INPP5B: variants seen among roughly 807,000 people sequenced by gnomAD.
The protein encoded by INPP5B is type II inositol 1,4,5-trisphosphate 5-phosphatase.
A neutral mutation model predicts 118.5 loss-of-function variants in INPP5B; 90 were observed. That is an observed-to-expected ratio of 0.76 (90% CI 0.64 to 0.90). INPP5B has a LOEUF of 0.90. Among genes scored for constraint, INPP5B ranks in the 40% least tolerant of loss-of-function variants. The probability of loss-of-function intolerance (pLI) is 0.00; values close to 1 mark genes in which losing one functional copy is unlikely to be tolerated. For missense variants in INPP5B, 984 were observed against 1,125.6 expected (o/e 0.87, Z 1.80); for synonymous variants, 385 against 418.9 (o/e 0.92, Z 0.99).
chr1:37,932,435 C>G (rs568278682), intron 6 of INPP5B, among the ~76,000 whole-genome samples: 1 of 138,332 alleles, frequency 7.2e-6, no homozygotes, highest in Non-Finnish European at 1.5e-5. Context: ...GTGGAGCGAT[C>G]TCCGCTCACT....
rs988809655 is a variant in INPP5B, at chr1:37,880,990, T to G, written c.1432-796A>C. Among the ~76,000 whole-genome samples, 7 of 152,222 alleles carry G rather than the reference T, an allele frequency of 4.6e-5. No individual in the cohort carries two copies. In the South Asian group the frequency reaches 1.4e-3, roughly 31 times the overall value. ...CTGCCGCCTTGGTCTCCCAAAGTGTTGGGATTGCATGTGCAAGCCATTGTG... is the reference window on the plus strand; with the variant it reads ...CTGCCGCCTTGGTCTCCCAAAGTGTGGGGATTGCATGTGCAAGCCATTGTG... On this transcript the variant is annotated intron_variant, in intron 14 of 23. Transcript: ENST00000373024.
At chr1:37,943,444 C>T (rs938726880) in intron 5 of INPP5B, among the ~76,000 whole-genome samples, 196 bp downstream of exon 5, 3 of 151,876 alleles carry the variant, frequency 2.0e-5, no homozygotes, top group Non-Finnish European at 4.4e-5. Context: ...TGTGTGTTAT[C>T]GGGGGAGACG....
At chr1:37,935,692 C>A (rs1645659219) in intron 6 of INPP5B, among the ~76,000 whole-genome samples, 1 of 152,162 alleles carries the variant, frequency 6.6e-6, no homozygotes, top group Non-Finnish European at 1.5e-5. Context: ...TCTCCCTGCT[C>A]TAGTTCTCTT....
intron 19 of INPP5B, among the ~76,000 whole-genome samples, chr1:37,871,303 C>G (rs893130914): frequency 6.7e-6 from 1 of 149,230 alleles, no homozygotes; most frequent in African/African-American, 2.5e-5. Flanking sequence ...ATAGAAAATA[C>G]AAAAATTAGC....
chr1:37,888,122 A>T (rs1643641840), intron 10 of INPP5B, 121 bp downstream of exon 10: 2 of 545,550 alleles, frequency 3.7e-6, no homozygotes, highest in African/African-American at 3.9e-5. Context: ...TCAAACAGGG[A>T]AACAGCTGTT....
intron 7 of INPP5B, among the ~76,000 whole-genome samples, chr1:37,914,852 C>T (rs912833119): frequency 1.3e-5 from 2 of 152,154 alleles, no homozygotes; most frequent in African/African-American, 4.8e-5. Flanking sequence ...CTGGCCCCAG[C>T]TCACCACAAT....
rs372089636 is a variant in INPP5B, at chr1:37,889,684, A to G, written c.670T>C (p.Ser224Pro). ...SKSEITDMVR[S>P]STITVSDKAH... is the part of the protein sequence containing the mutation. ...TTGTCCGACACTGTGATAGTGGAGG[A>G]GCGAACCATGTCAGTAATTTCGGAC... Residue 224 changes from serine (S) to proline (P), a missense_variant, in exon 9 of 24, where the codon TCC becomes CCC. Ser to Pro is a moderately conservative substitution (Grantham distance 74). Transcript: ENST00000373024. 2 of 1,613,152 alleles carry G rather than the reference A, an allele frequency of 1.2e-6. No homozygotes were observed. Among genetic ancestry groups the G allele is most frequent in the African/African-American group, 1.3e-5 (1 of 74,880 alleles).
chr1:37,873,233 A>G, intron 18 of INPP5B, 68 bp from the exon 19 acceptor site: 1 of 1,098,724 alleles, frequency 9.1e-7, no homozygotes, highest in East Asian at 2.3e-5. Flanking sequence ...AGAAGGCAGG[A>G]GGGAAGAGGG....
In INPP5B at chr1:37,865,814, T is replaced by C. The variant is rs749033817; in HGVS notation, c.2461A>G (p.Ser821Gly). The change falls in exon 22 of 24, where the codon AGC becomes GGC. Residue 821 changes from serine (S) to glycine (G), a missense_variant. This residue lies in a region of INPP5B where 634 missense variants were observed against 791.0 expected (regional missense o/e 0.80). Transcript: ENST00000373024. ...ESLPEPVICY[S>G]TYHNCLECSG... ...CACTCCAAGCAGTTATGGTAGGTGC[T>C]GTAACAGATGACAGGCTCTGGAAGG... is the stretch of plus-strand genomic sequence containing the variant. 2.9e-5 allele frequency: 46 copies of C among 1,613,828 alleles called. No homozygotes were observed. The highest frequency in any genetic ancestry group is 3.8e-5 in the Non-Finnish European group (45 of 1,179,796).
At chr1:37,898,016 A>C (rs1258486747) in intron 7 of INPP5B, among the ~76,000 whole-genome samples, 2 of 152,218 alleles carry the variant, frequency 1.3e-5, no homozygotes, top group Non-Finnish European at 2.9e-5. Flanking sequence ...AAAATCACCA[A>C]AAACTGGAAG....
At chr1:37,925,439 T>A (rs998814053) in intron 7 of INPP5B, among the ~76,000 whole-genome samples, 4 of 152,160 alleles carry the variant, frequency 2.6e-5, no homozygotes, top group African/African-American at 9.6e-5. Context: ...TTTAGAGATA[T>A]CACTATGTTG....
intron 7 of INPP5B, among the ~76,000 whole-genome samples, chr1:37,917,312 A>T (rs1485776812): frequency 7.3e-5 from 1 of 13,634 alleles, no homozygotes; most frequent in African/African-American, 1.1e-4. Context: ...AAATAATTAT[A>T]TATATATATA....
At position 37,874,033 on chromosome 1, in the gene INPP5B, C is replaced by A; in HGVS notation, c.1911G>T (p.Gln637His). The A allele has an allele frequency of 6.3e-7, 1 of 1,593,314 alleles. No homozygotes were observed. The highest frequency in any genetic ancestry group is 1.1e-5 in the South Asian group (1 of 89,048). Residue 637 changes from glutamine to histidine, a missense_variant, in exon 18 of 24, where the codon CAG becomes CAT. Physicochemically the swap from Gln to His is conservative, Grantham distance 24 (BLOSUM62 0). This residue lies in a region of INPP5B where 634 missense variants were observed against 791.0 expected (regional missense o/e 0.80). Coordinates refer to ENST00000373024, the MANE Select transcript of INPP5B (RefSeq NM_005540.3). ...NKPDEESYCK[Q>H]WLNANPSRGF... The stretch of plus-strand genomic sequence containing the variant: ...CTCTGCTGGGGTTGGCATTCAGCCA[C>A]TGCTTACAGTAAGACTCTTCATCAG...
At chr1:37,941,958 A>AAAATATATATATATATAT (rs1427344681) in intron 5 of INPP5B, 2 of 30,348 alleles carry the variant, frequency 6.6e-5, no homozygotes, top group African/African-American at 3.0e-4. Context: ...AAAAAAAAAA[A>AAAATATATATATATATAT]ATATATATAT....
chr1:37,932,101 C>T, intron 6 of INPP5B, 48 bp from the exon 7 acceptor site: 1 of 1,504,832 alleles, frequency 6.6e-7, no homozygotes, highest in Non-Finnish European at 8.9e-7. Context: ...CTTGAAGAGC[C>T]GGCTCTGCAT....
At chr1:37,912,966 G>A (rs1644750580) in intron 7 of INPP5B, among the ~76,000 whole-genome samples, 1 of 151,740 alleles carries the variant, frequency 6.6e-6, no homozygotes, top group Non-Finnish European at 1.5e-5. Context: ...AAAAAAAAAG[G>A]GGGACTCTGG....
chr1:37,929,194 A>G (rs1364852930), intron 7 of INPP5B: 1 of 151,840 alleles, frequency 6.6e-6, no homozygotes, highest in Admixed American at 6.6e-5. Context: ...ATCTCAGCGC[A>G]CTGCAACCTC....
rs1641739929 is a variant in INPP5B, at chr1:37,862,231, A to G, written c.*84T>C. The G allele has an allele frequency of 3.4e-6, 3 of 893,208 alleles. No individual in the cohort carries two copies. Among genetic ancestry groups the G allele is most frequent in the Middle Eastern group, 2.4e-4 (1 of 4,208 alleles). 55.3% of individuals were successfully genotyped at this position (893,208 alleles called of 1,614,324 possible). A position where few individuals can be genotyped will look rare whatever the true frequency, so the allele number is the denominator to read the frequency against. ...CATTCTTGCTACCAAGTGGCCTCACATAATTATCTTAAGGCATCTCTTGAG... is the reference window on the plus strand; with the variant it reads ...CATTCTTGCTACCAAGTGGCCTCACGTAATTATCTTAAGGCATCTCTTGAG... On this transcript the variant is annotated 3_prime_UTR_variant, in exon 24 of 24. Coordinates refer to ENST00000373024, the MANE Select transcript of INPP5B (RefSeq NM_005540.3).
At chr1:37,896,620 G>A (rs1257133486) in intron 7 of INPP5B, among the ~76,000 whole-genome samples, 3 of 142,598 alleles carry the variant, frequency 2.1e-5, no homozygotes, top group Admixed American at 2.0e-4. Flanking sequence ...CCCCCGCCCG[G>A]CCAGCCGCCC....
Sources: gnomAD v4.1 joint callset for allele counts (sites outside exome capture counted in the v4.1 genomes callset) on GRCh38, gnomAD v4.1.1 for gene constraint, gnomAD v4.1.1 regional missense constraint, MANE v1.5 for transcripts, NCBI Gene and HGNC (gene_info 2026-07-23, HGNC 2026-07-21) for gene names.